The following RBMS3 variants were observed in gnomAD, a reference collection of about 807,000 sequenced individuals.
The protein encoded by RBMS3 is RNA-binding motif, single-stranded-interacting protein 3.
Under a neutral mutation model 66.8 loss-of-function variants are expected in RBMS3, and 27 were observed. The ratio of observed to expected loss-of-function variants is 0.40; its 90% CI spans 0.30 to 0.56. The LOEUF (loss-of-function observed/expected upper bound fraction) is 0.56. Among genes scored for constraint, RBMS3 ranks in the 20% least tolerant of loss-of-function variants. The probability of loss-of-function intolerance (pLI) is 0.40; values close to 1 mark genes in which losing one functional copy is unlikely to be tolerated. For synonymous variants in RBMS3, 188 were observed against 183.0 expected, an observed-to-expected ratio of 1.03 and a Z score of -0.22; for missense variants, 513 against 549.5, an observed-to-expected ratio of 0.93 and a Z score of 0.66.
chr3:29,814,556 G>T (rs1368166575), intron 6 of RBMS3, among the ~76,000 whole-genome samples: 6 of 152,136 alleles, frequency 3.9e-5, no homozygotes, highest in African/African-American at 1.4e-4. Context: ...AGAAGGAATG[G>T]TACCAGTTCC....
Position 29,951,675 on chromosome 3 carries a change from A to G in RBMS3, c.1098+7421A>G, listed in dbSNP as rs193193503. Among the ~76,000 whole-genome samples the G allele has an allele frequency of 4.8e-3, 733 of 151,816 alleles. 4 individuals carry two copies. Among genetic ancestry groups the G allele is most frequent in the African/African-American group, 0.017 (701 of 41,494 alleles). On this transcript the variant is annotated intron_variant, in intron 12 of 14. Transcript: ENST00000383767. ...ATTAATCTTATATTTGCTATGTTAG[A>G]TTAACTTATCCAAAGAAAGGAGTCT...
At chr3:29,382,959 G>C (rs2038837156) in intron 1 of RBMS3, among the ~76,000 whole-genome samples, 1 of 152,110 alleles carries the variant, frequency 6.6e-6, no homozygotes, top group East Asian at 1.9e-4. Context: ...TGACGCCTCT[G>C]ATCAGGAAAT....
At chr3:29,959,081 A>G (rs1489888992) in intron 12 of RBMS3, among the ~76,000 whole-genome samples, 1 of 152,192 alleles carries the variant, frequency 6.6e-6, no homozygotes, top group African/African-American at 2.4e-5. Flanking sequence ...GCATATGGTG[A>G]AAGAATGAAT....
chr3:29,886,231 G>C (rs2059866755), intron 8 of RBMS3, among the ~76,000 whole-genome samples: 1 of 151,786 alleles, frequency 6.6e-6, no homozygotes, highest in African/African-American at 2.4e-5. Context: ...GTATTTTACA[G>C]CTGGATGATT....
intron 3 of RBMS3, among the ~76,000 whole-genome samples, chr3:29,549,066 T>C (rs1270763803): frequency 2.0e-5 from 3 of 148,586 alleles, no homozygotes; most frequent in Middle Eastern, 3.5e-3. Context: ...TCTGTTTTTT[T>C]TTTTTTTTTT....
intron 5 of RBMS3, among the ~76,000 whole-genome samples, chr3:29,758,000 C>T (rs974005481): frequency 3.9e-5 from 6 of 152,270 alleles, no homozygotes; most frequent in Non-Finnish European, 8.8e-5. Context: ...TAGTACTGGC[C>T]AGGTATTCTG....
chr3:29,488,422 TTC>T lies in RBMS3; in HGVS notation c.249-7_249-6del, dbSNP rs3043392. 893,448 of 1,583,872 alleles carry T rather than the reference TTC, an allele frequency of 0.56. 254,434 individuals carry two copies. The highest frequency in any genetic ancestry group is 0.6 in the Admixed American group (35,557 of 59,602). On this transcript the variant is annotated splice_polypyrimidine_tract_variant and intron_variant, in intron 2 of 14. Coordinates refer to ENST00000383767, the MANE Select transcript of RBMS3 (RefSeq NM_001003793.3). ...ATGGGTTACAATAACATGGGTTTTT[TTC>T]TCTCTCTCTCTTTCAGGTATGGAAA...
chr3:29,843,916 C>A (rs570333377), intron 6 of RBMS3, among the ~76,000 whole-genome samples: 2 of 151,492 alleles, frequency 1.3e-5, no homozygotes, highest in South Asian at 2.1e-4. Flanking sequence ...TGCTCCACTG[C>A]ACTCCAGCCT....
At chr3:29,930,714 T>C (rs2061097351) in intron 10 of RBMS3, among the ~76,000 whole-genome samples, 1 of 151,176 alleles carries the variant, frequency 6.6e-6, no homozygotes, top group Non-Finnish European at 1.5e-5. Flanking sequence ...CATATACAAA[T>C]ACTTTTTATT....
At chr3:29,520,988 T>G (rs937729705) in intron 3 of RBMS3, among the ~76,000 whole-genome samples, 2 of 152,130 alleles carry the variant, frequency 1.3e-5, no homozygotes, top group African/African-American at 4.8e-5. Flanking sequence ...TGTTCAGGTC[T>G]CCGCTCACAT....
intron 4 of RBMS3, chr3:29,616,254 A>T (rs2048668119): frequency 6.6e-6 from 1 of 152,352 alleles, no homozygotes; most frequent in Admixed American, 6.5e-5. Context: ...TGGGAGGCTG[A>T]GGTGGGCAGA....
intron 3 of RBMS3, among the ~76,000 whole-genome samples, chr3:29,550,779 T>G (rs1221952633): frequency 6.6e-6 from 1 of 152,194 alleles, no homozygotes; most frequent in African/African-American, 2.4e-5. Flanking sequence ...TTTTGGCAAG[T>G]GTATTTCAAG....
intron 4 of RBMS3, chr3:29,698,655 C>T (rs1016191777): frequency 1.0e-5 from 10 of 975,326 alleles, no homozygotes; most frequent in Non-Finnish European, 1.2e-5. Context: ...TCTCCCAAGT[C>T]TTCTCATTTG....
At chr3:29,995,850 C>CT (rs1469944387) in intron 14 of RBMS3, among the ~76,000 whole-genome samples, 2 of 152,128 alleles carry the variant, frequency 1.3e-5, no homozygotes, top group Admixed American at 6.6e-5. Flanking sequence ...TAGGAAGAAA[C>CT]TGCATCAACT....
intron 6 of RBMS3, among the ~76,000 whole-genome samples, chr3:29,784,091 A>G (rs1476347237): frequency 6.6e-6 from 1 of 152,152 alleles, no homozygotes; most frequent in Non-Finnish European, 1.5e-5. Flanking sequence ...AGGCAACACA[A>G]TAATAGTGGG....
chr3:29,326,647 C>T (rs535237784), intron 1 of RBMS3, among the ~76,000 whole-genome samples: 9 of 152,006 alleles, frequency 5.9e-5, no homozygotes, highest in East Asian at 1.9e-4. Context: ...TGTATTCCCT[C>T]GTACTGAGCT....
chr3:29,825,465 T>A (rs888467601), intron 6 of RBMS3, among the ~76,000 whole-genome samples: 1 of 152,152 alleles, frequency 6.6e-6, no homozygotes, highest in Non-Finnish European at 1.5e-5. Context: ...AGGGACCTGG[T>A]GAGAGGTAAT....
chr3:29,955,358 CAAAG>C (rs1159380581), intron 12 of RBMS3, among the ~76,000 whole-genome samples: 4 of 151,966 alleles, frequency 2.6e-5, no homozygotes, highest in African/African-American at 9.7e-5. Flanking sequence ...TAACCAGCAG[CAAAG>C]AAAGCTACAT....
In RBMS3 at chr3:29,978,295, G is replaced by A. The variant is rs868517283; in HGVS notation, c.1099-9848G>A. ...TTCCTGAGGATTTACCTTAGAAAGTGTATGTCTACCACAGAAGAACTGTAA... is the reference window on the plus strand; with the variant it reads ...TTCCTGAGGATTTACCTTAGAAAGTATATGTCTACCACAGAAGAACTGTAA... On this transcript the variant is annotated intron_variant, in intron 12 of 14. Coordinates refer to ENST00000383767, the MANE Select transcript of RBMS3 (RefSeq NM_001003793.3). Among the ~76,000 whole-genome samples, 2 of 152,150 alleles carry A rather than the reference G, an allele frequency of 1.3e-5. 1 individual carries two copies. Among genetic ancestry groups the A allele is most frequent in the South Asian group, 4.1e-4 (2 of 4,830 alleles).
Sources: gnomAD v4.1 joint callset for allele counts (sites outside exome capture counted in the v4.1 genomes callset) on GRCh38, gnomAD v4.1.1 for gene constraint, MANE v1.5 for transcripts, NCBI Gene and HGNC (gene_info 2026-07-23, HGNC 2026-07-21) for gene names.